Variants in MCPH1 observed in about 807,000 individuals in gnomAD.
MCPH1 encodes microcephalin.
Under a neutral mutation model 84.5 loss-of-function variants are expected in MCPH1, and 104 were observed. That is an observed-to-expected ratio of 1.23 (90% CI 1.05 to 1.45). MCPH1 has a LOEUF of 1.45. Among genes scored for constraint, MCPH1 ranks in the 40% most tolerant of loss-of-function variants. The pLI, the probability that MCPH1 is intolerant of heterozygous loss-of-function variation, is 0.00. For missense variants in MCPH1, 1,498 were observed against 1,005.7 expected, an observed-to-expected ratio of 1.49 and a Z score of -6.62; for synonymous variants, 514 against 366.8, an observed-to-expected ratio of 1.40 and a Z score of -4.58.
At chr8:6,575,690 C>T (rs1214988977) in intron 12 of MCPH1, among the ~76,000 whole-genome samples, 1 of 152,178 alleles carries the variant, frequency 6.6e-6, no homozygotes, top group Non-Finnish European at 1.5e-5. Flanking sequence ...CAGTTGTAAT[C>T]AGTTAAGATA....
intron 3 of MCPH1, among the ~76,000 whole-genome samples, chr8:6,423,452 C>T (rs565326722): frequency 1.3e-5 from 2 of 151,912 alleles, no homozygotes; most frequent in Admixed American, 1.3e-4. Context: ...GGCATGAGCC[C>T]CTGCGCCCGG....
intron 10 of MCPH1, among the ~76,000 whole-genome samples, chr8:6,478,626 C>G (rs143137898): frequency 1.6e-3 from 248 of 152,286 alleles, no homozygotes; most frequent in Middle Eastern, 6.8e-3. Flanking sequence ...TGTGGATTAG[C>G]TGAGCCTTGC....
At chr8:6,628,469 C>CAAAAA (rs34188003) in intron 13 of MCPH1, among the ~76,000 whole-genome samples, 13 of 41,604 alleles carry the variant, frequency 3.1e-4, no homozygotes, top group African/African-American at 7.5e-4. Context: ...GACTCTGTCT[C>CAAAAA]AAAAAAAAAA....
At chr8:6,605,650 A>G (rs1041738089) in intron 12 of MCPH1, among the ~76,000 whole-genome samples, 1 of 152,214 alleles carries the variant, frequency 6.6e-6, no homozygotes, top group Non-Finnish European at 1.5e-5. Context: ...AAGGATGCCA[A>G]GAGATCAAGT....
chr8:6,472,870 T>C (rs1171018875), intron 9 of MCPH1, among the ~76,000 whole-genome samples: 1 of 152,188 alleles, frequency 6.6e-6, no homozygotes, highest in Non-Finnish European at 1.5e-5. Context: ...TCCAATAGGA[T>C]CATGTAACTT....
At chr8:6,491,372 C>G (rs916231687) in intron 11 of MCPH1, among the ~76,000 whole-genome samples, 1 of 105,904 alleles carries the variant, frequency 9.4e-6, no homozygotes, top group Non-Finnish European at 1.9e-5. Context: ...TCTATGGTTT[C>G]TTTCTTTTTT....
chr8:6,607,830 C>T (rs1387715251), intron 12 of MCPH1, among the ~76,000 whole-genome samples: 1 of 152,164 alleles, frequency 6.6e-6, no homozygotes, highest in African/African-American at 2.4e-5. Flanking sequence ...AACTGTGAGA[C>T]CATTAAACTT....
At chr8:6,472,550 C>T (rs1054786602) in intron 9 of MCPH1, among the ~76,000 whole-genome samples, 5 of 152,132 alleles carry the variant, frequency 3.3e-5, no homozygotes, top group African/African-American at 1.2e-4. Context: ...ACTGCAACCT[C>T]CGCCTCCTGG....
rs1438915668 is a variant in MCPH1, at chr8:6,509,465, G to A, written c.2214+9536G>A. On this transcript the variant is annotated intron_variant, in intron 12 of 13. Transcript: ENST00000344683. The stretch of plus-strand genomic sequence containing the variant: ...ACAACCTCAAACATTATTTTCCGCA[G>A]GGGGCCCCGGGGGGGATGGAGAATG... Among the ~76,000 whole-genome samples, 5 of 152,162 alleles carry A rather than the reference G, an allele frequency of 3.3e-5. 1 individual carries two copies. The highest frequency in any genetic ancestry group is 3.3e-4 in the Admixed American group (5 of 15,276).
chr8:6,419,449 G>C (rs1415169310), intron 3 of MCPH1, among the ~76,000 whole-genome samples: 1 of 151,596 alleles, frequency 6.6e-6, no homozygotes, highest in Non-Finnish European at 1.5e-5. Flanking sequence ...GCCTAGTGCA[G>C]TGGCGCAATC....
chr8:6,479,866 A>G (rs17540702), intron 10 of MCPH1, among the ~76,000 whole-genome samples: 9,869 of 152,254 alleles, frequency 0.065, 398 homozygotes, highest in Non-Finnish European at 0.094. Flanking sequence ...ATAAGCCATA[A>G]TGGTCATGAG....
chr8:6,507,512 T>C (rs909532659), intron 12 of MCPH1: 3 of 152,056 alleles, frequency 2.0e-5, no homozygotes, highest in African/African-American at 7.2e-5. Context: ...CTAAGTAGCG[T>C]TTGTTCCTGT....
chr8:6,593,090 T>TG (rs1363076633), intron 12 of MCPH1, among the ~76,000 whole-genome samples: 4 of 149,258 alleles, frequency 2.7e-5, no homozygotes, highest in East Asian at 2.0e-4. Context: ...GGTTTTTTTT[T>TG]TTTTTTTTTT....
intron 10 of MCPH1, among the ~76,000 whole-genome samples, chr8:6,478,878 C>G (rs1355874062): frequency 1.3e-5 from 2 of 152,162 alleles, no homozygotes; most frequent in African/African-American, 4.8e-5. Context: ...CTAAGGATCT[C>G]TTAAGAATTT....
chr8:6,467,746 G>A (rs1807161228), intron 9 of MCPH1, among the ~76,000 whole-genome samples: 1 of 152,162 alleles, frequency 6.6e-6, no homozygotes, highest in African/African-American at 2.4e-5. Context: ...CCAGGCAGGT[G>A]CCACCATGCT....
intron 12 of MCPH1, among the ~76,000 whole-genome samples, chr8:6,547,018 G>A (rs1396166236): frequency 6.6e-6 from 1 of 152,146 alleles, no homozygotes; most frequent in Admixed American, 6.5e-5. Context: ...TACCTCGGAA[G>A]AAGCGTTCTC....
At chr8:6,408,270 C>A (rs1227548181) in intron 1 of MCPH1, among the ~76,000 whole-genome samples, 4 of 152,188 alleles carry the variant, frequency 2.6e-5, no homozygotes, top group Non-Finnish European at 5.9e-5. Context: ...ACTCTCTTGC[C>A]CAGGCTGGAG....
chr8:6,467,234 T>C (rs1807093629), intron 9 of MCPH1, among the ~76,000 whole-genome samples: 1 of 152,222 alleles, frequency 6.6e-6, no homozygotes, highest in African/African-American at 2.4e-5. Context: ...ATTCAGTGAC[T>C]GTCAAACCAG....
At chr8:6,418,663 A>G (rs988254186) in intron 3 of MCPH1, among the ~76,000 whole-genome samples, 5 of 152,006 alleles carry the variant, frequency 3.3e-5, no homozygotes, top group East Asian at 3.9e-4. Flanking sequence ...GCTCACTGCA[A>G]CCTCCTACTC....
Sources: gnomAD v4.1 joint callset for allele counts (sites outside exome capture counted in the v4.1 genomes callset) on GRCh38, gnomAD v4.1.1 for gene constraint, MANE v1.5 for transcripts, NCBI Gene and HGNC (gene_info 2026-07-23, HGNC 2026-07-21) for gene names.